The following PRKCE variants were observed in gnomAD, a reference collection of about 807,000 sequenced individuals.
PRKCE encodes protein kinase C epsilon.
In PRKCE, 16 loss-of-function variants were observed where a neutral mutation model predicts 85.4. That is an observed-to-expected ratio of 0.19 (90% CI 0.13 to 0.28). PRKCE has a LOEUF of 0.28. PRKCE is among the 10% of genes least tolerant of loss of function. The pLI, the probability that PRKCE is intolerant of heterozygous loss-of-function variation, is 1.00. For synonymous variants in PRKCE, 388 were observed against 371.5 expected (o/e 1.04, Z -0.51); for missense variants, 573 against 975.2 (o/e 0.59, Z 5.49).
intron 2 of PRKCE, among the ~76,000 whole-genome samples, chr2:45,929,865 A>G (rs1362043660): frequency 6.6e-6 from 1 of 152,074 alleles, no homozygotes; most frequent in Non-Finnish European, 1.5e-5. Context: ...TAGTGCCTGC[A>G]TTTCCTGTAG....
Position 45,831,941 on chromosome 2 carries a change from A to C in PRKCE, c.349-11059A>C, listed in dbSNP as rs899711105. On this transcript the variant is annotated intron_variant, in intron 1 of 14. Transcript: ENST00000306156. ...TTGACTAATTTGATAAGCAAAAGAA[A>C]AGAAAAAAGATCTTATCCTTTATTT... Among the ~76,000 whole-genome samples the C allele has an allele frequency of 7.2e-5, 11 of 152,352 alleles. No individual in the cohort carries two copies. In the East Asian group the frequency reaches 1.9e-3, roughly 27 times the overall value.
At chr2:46,097,432 A>G (rs1280829176) in intron 11 of PRKCE, among the ~76,000 whole-genome samples, 1 of 151,604 alleles carries the variant, frequency 6.6e-6, no homozygotes, top group Non-Finnish European at 1.5e-5. Context: ...AGGCAGGAGA[A>G]TGGCGTGAAC....
At chr2:45,783,305 A>G (rs779721830) in intron 1 of PRKCE, among the ~76,000 whole-genome samples, 1 of 152,202 alleles carries the variant, frequency 6.6e-6, no homozygotes, top group African/African-American at 2.4e-5. Flanking sequence ...TCTGGGCATC[A>G]TCCTGCTGGT....
rs1393728107 is a variant in PRKCE, at chr2:45,958,843, T to A, written c.413-17586T>A. On this transcript the variant is annotated intron_variant, in intron 2 of 14. Transcript: ENST00000306156. ...TTTTTTTTTTTTTTTTTTTTTTTTT[T>A]TTTTTTTTTTTTAATAGAATCCTTT... Among the ~76,000 whole-genome samples, 7 of 99,412 alleles carry A rather than the reference T, an allele frequency of 7.0e-5. 1 individual carries two copies. The highest frequency in any genetic ancestry group is 1.2e-4 in the African/African-American group (3 of 24,904). The allele number at this position is 99,412 out of a possible 152,430, so 65.2% of individuals were successfully genotyped here.
intron 2 of PRKCE, among the ~76,000 whole-genome samples, chr2:45,971,954 C>G (rs2104500819): frequency 6.6e-6 from 1 of 152,194 alleles, no homozygotes; most frequent in Non-Finnish European, 1.5e-5. Context: ...TCTTCAGGGT[C>G]CTTACTTTCA....
At chr2:46,009,910 A>C (rs777223794) in intron 9 of PRKCE, among the ~76,000 whole-genome samples, 1 of 152,236 alleles carries the variant, frequency 6.6e-6, no homozygotes, top group Non-Finnish European at 1.5e-5. Flanking sequence ...TAGTTGGTGT[A>C]CTGTAATTGT....
chr2:46,062,777 G>T (rs1667272270), intron 10 of PRKCE, among the ~76,000 whole-genome samples: 1 of 143,092 alleles, frequency 7.0e-6, no homozygotes, highest in African/African-American at 2.6e-5. Flanking sequence ...GGGTTCAAGC[G>T]ATTCTCCTGC....
intron 2 of PRKCE, among the ~76,000 whole-genome samples, chr2:45,914,892 T>G (rs1353223171): frequency 6.6e-6 from 1 of 152,180 alleles, no homozygotes; most frequent in African/African-American, 2.4e-5. Context: ...TCTCTTACTA[T>G]CAACTGCTGA....
intron 1 of PRKCE, among the ~76,000 whole-genome samples, chr2:45,770,487 C>T (rs900017242): frequency 3.9e-5 from 6 of 152,056 alleles, no homozygotes; most frequent in Admixed American, 6.5e-5. Flanking sequence ...TTCTGGAGCT[C>T]GCAGAAGGAC....
chr2:45,816,929 A>G (rs1465477918), intron 1 of PRKCE, among the ~76,000 whole-genome samples: 3 of 152,258 alleles, frequency 2.0e-5, no homozygotes, highest in Non-Finnish European at 4.4e-5. Flanking sequence ...TGAAATGATT[A>G]AAAACATGTT....
intron 2 of PRKCE, among the ~76,000 whole-genome samples, chr2:45,883,549 C>G (rs1011875696): frequency 6.6e-6 from 1 of 152,234 alleles, no homozygotes; most frequent in Non-Finnish European, 1.5e-5. Context: ...AGGTCCCTCC[C>G]TCTTGCTCAT....
chr2:45,838,109 G>A (rs1183874753), intron 1 of PRKCE, among the ~76,000 whole-genome samples: 1 of 152,204 alleles, frequency 6.6e-6, no homozygotes. Flanking sequence ...TCCCCTCAGA[G>A]CACCATGGGG....
At chr2:45,866,384 T>C in intron 2 of PRKCE, among the ~76,000 whole-genome samples, 1 of 152,360 alleles carries the variant, frequency 6.6e-6, no homozygotes, top group South Asian at 2.1e-4. Context: ...CTCAGCTCAC[T>C]GCAAGCTCCC....
intron 2 of PRKCE, among the ~76,000 whole-genome samples, chr2:45,939,852 C>G (rs887662642): frequency 6.6e-6 from 1 of 152,314 alleles, no homozygotes; most frequent in South Asian, 2.1e-4. Context: ...CATGCCTGGC[C>G]CGCTAATGCA....
intron 2 of PRKCE, among the ~76,000 whole-genome samples, chr2:45,972,696 C>G (rs1702186765): frequency 6.6e-6 from 1 of 152,190 alleles, no homozygotes; most frequent in African/African-American, 2.4e-5. Context: ...ACAGTTTTCC[C>G]AACATCATTT....
rs1411861741 is a variant in PRKCE, at chr2:46,139,114, T to A, written c.1593-5979T>A. ...GGGGAAATGCTAGGAGTGGCCCTCC[T>A]AAAATCAGGGACCACCAAAGATGCT... On this transcript the variant is annotated intron_variant, in intron 11 of 14. Transcript: ENST00000306156. This position sits in a 1 kb window ranked among gnomAD's most constrained non-coding sequence, Gnocchi z 5.2. Among the ~76,000 whole-genome samples the A allele has an allele frequency of 6.6e-6, 1 of 152,166 alleles. No homozygotes were observed. Among genetic ancestry groups the A allele is most frequent in the Admixed American group, 6.5e-5 (1 of 15,280 alleles).
At chr2:45,787,358 G>A (rs372355501) in intron 1 of PRKCE, among the ~76,000 whole-genome samples, 95 of 152,082 alleles carry the variant, frequency 6.2e-4, no homozygotes, top group African/African-American at 2.2e-3. Flanking sequence ...CAGAGACAGA[G>A]AGAGAGAGAG....
rs1016491833 is a variant in PRKCE, at chr2:46,155,865, C to A, written c.1921-3741C>A. ...GTGAACTGCAGGACCTCCTAACGGG[C>A]AGCCCTTCTTGTGTCCTTCTCATCT... On this transcript the variant is annotated intron_variant, in intron 13 of 14. Coordinates refer to ENST00000306156, the MANE Select transcript of PRKCE (RefSeq NM_005400.3). This position sits in a 1 kb window ranked among gnomAD's most constrained non-coding sequence, Gnocchi z 4.7. 1.3e-5 allele frequency among the ~76,000 whole-genome samples: 2 copies of A among 152,198 alleles called. No homozygotes were observed. Among genetic ancestry groups the A allele is most frequent in the Non-Finnish European group, 1.5e-5 (1 of 68,034 alleles).
intron 1 of PRKCE, among the ~76,000 whole-genome samples, chr2:45,827,748 T>A (rs754749): frequency 0.63 from 95,417 of 152,018 alleles, 31,161 homozygotes; most frequent in African/African-American, 0.81. Context: ...TCTTGTTCAT[T>A]GTTTTGATAT....
Sources: gnomAD v4.1 joint callset for allele counts (sites outside exome capture counted in the v4.1 genomes callset) on GRCh38, gnomAD v4.1.1 for gene constraint, Gnocchi (gnomAD v3.1) non-coding constraint, MANE v1.5 for transcripts, NCBI Gene and HGNC (gene_info 2026-07-23, HGNC 2026-07-21) for gene names.